BDH1: variants seen among roughly 807,000 people sequenced by gnomAD.
The protein encoded by BDH1 is D-beta-hydroxybutyrate dehydrogenase, mitochondrial.
In BDH1, 30 loss-of-function variants were observed where a neutral mutation model predicts 33.1. The ratio of observed to expected loss-of-function variants is 0.91; its 90% CI spans 0.68 to 1.23. The LOEUF is 1.23. BDH1 is among the 50% of genes most tolerant of loss of function. The pLI, the probability that BDH1 is intolerant of heterozygous loss-of-function variation, is 0.00. For synonymous variants in BDH1, 190 were observed against 183.6 expected (o/e 1.03, Z -0.28); for missense variants, 443 against 464.4 (o/e 0.95, Z 0.42).
chr3:197,524,519 G>A (rs35165087), intron 5 of BDH1, among the ~76,000 whole-genome samples: 28,349 of 152,218 alleles, frequency 0.19, 2,955 homozygotes, highest in African/African-American at 0.28. Context: ...CAATGGGGCC[G>A]GAGGTGCTGG....
chr3:197,532,291 G>C, intron 5 of BDH1, 121 bp downstream of exon 5: 1 of 747,238 alleles, frequency 1.3e-6, no homozygotes, highest in South Asian at 1.7e-5. Context: ...GAAGCCGATG[G>C]AAAATGGACA....
In BDH1 at chr3:197,526,356, G is replaced by A. The variant is rs1292577863; in HGVS notation, c.268-3575C>T. ...ATTCTTAACTTCTGACCCTTCCAAGGTTGGATCCGGGGCAGCAAATTAGGG... is the reference window on the plus strand; with the variant it reads ...ATTCTTAACTTCTGACCCTTCCAAGATTGGATCCGGGGCAGCAAATTAGGG... On this transcript the variant is annotated intron_variant, in intron 5 of 7. Transcript: ENST00000392379. This position sits in a 1 kb window ranked among gnomAD's most constrained non-coding sequence, Gnocchi z 4.7. Among the ~76,000 whole-genome samples the A allele has an allele frequency of 6.6e-6, 1 of 152,182 alleles. No homozygotes were observed. The highest frequency in any genetic ancestry group is 1.5e-5 in the Non-Finnish European group (1 of 68,038).
upstream of BDH1, chr3:197,556,112 G>A (rs1717018220): frequency 6.6e-6 from 1 of 152,200 alleles, no homozygotes; most frequent in South Asian, 2.1e-4. Flanking sequence ...CTCCCGGTGC[G>A]GCCGTCTCGC....
At chr3:197,564,191 C>A (rs1560347830) in intron 1 of BDH1, among the ~76,000 whole-genome samples, 1 of 149,002 alleles carries the variant, frequency 6.7e-6, no homozygotes, top group Non-Finnish European at 1.5e-5. Context: ...AAGAAAGAAT[C>A]TTGTATGGTA....
At position 197,523,018 on chromosome 3, in the gene BDH1, GCCCCCAAGGC is replaced by G. The variant is rs1254719297; in HGVS notation, c.268-247_268-238del. On this transcript the variant is annotated intron_variant, in intron 5 of 7. Coordinates refer to ENST00000392379, the MANE Select transcript of BDH1 (RefSeq NM_203314.3). This position sits in a 1 kb window ranked among gnomAD's most constrained non-coding sequence, Gnocchi z 4.5. Reference sequence around the variant, plus strand: ...CAACCATGAATAGGATGAAGAGCCGGCCCCCAAGGCCTCAAGACAGGATTCCTTCTCCAAG... The same window carrying G: ...CAACCATGAATAGGATGAAGAGCCGGCTCAAGACAGGATTCCTTCTCCAAG... 1 of 496,362 alleles carries G rather than the reference GCCCCCAAGGC, an allele frequency of 2.0e-6. No individual in the cohort carries two copies. The highest frequency in any genetic ancestry group is 2.0e-5 in the African/African-American group (1 of 51,252). 30.7% of individuals were successfully genotyped at this position (496,362 alleles called of 1,614,324 possible).
intron 3 of BDH1, among the ~76,000 whole-genome samples, chr3:197,542,018 C>A (rs1287582645): frequency 1.3e-5 from 2 of 152,226 alleles, no homozygotes; most frequent in African/African-American, 4.8e-5. Context: ...TTCCAGATTA[C>A]CACCCACCTA....
At chr3:197,538,631 C>T (rs999382341) in intron 3 of BDH1, 4 of 247,722 alleles carry the variant, frequency 1.6e-5, no homozygotes, top group Non-Finnish European at 3.3e-5. Flanking sequence ...GGATCACAGG[C>T]ATGAGCCACG....
In BDH1 at chr3:197,525,832, AC is replaced by A. The variant is rs1348341083; in HGVS notation, c.268-3052del. 6.6e-6 allele frequency among the ~76,000 whole-genome samples: 1 copy of A among 151,506 alleles called. No homozygotes were observed. The highest frequency in any genetic ancestry group is 1.5e-5 in the Non-Finnish European group (1 of 67,976). ...CCCGCAGGCCACACCACCTCCCTGG[AC>A]CCAGGGTTTCTGTGCTCCCTCTGCA... On this transcript the variant is annotated intron_variant, in intron 5 of 7. Transcript: ENST00000392379. This position sits in a 1 kb window ranked among gnomAD's most constrained non-coding sequence, Gnocchi z 4.9.
chr3:197,533,865 G>T, intron 3 of BDH1: 1 of 385,134 alleles, frequency 2.6e-6, no homozygotes, highest in Non-Finnish European at 4.7e-6. Flanking sequence ...CTCCAATAAA[G>T]TTCCATTTTC....
At chr3:197,542,321 G>A (rs564641363) in intron 3 of BDH1, among the ~76,000 whole-genome samples, 1 of 152,308 alleles carries the variant, frequency 6.6e-6, no homozygotes, top group African/African-American at 2.4e-5. Context: ...GGCTAAGAAT[G>A]CCCATGAGGC....
At chr3:197,533,639 G>C (rs1714902883) in intron 3 of BDH1, 78 bp from the exon 4 acceptor site, 1 of 1,424,762 alleles carries the variant, frequency 7.0e-7, no homozygotes, top group South Asian at 1.2e-5. Context: ...AGCAGCACTG[G>C]GTGTCTCTCC....
chr3:197,540,441 G>A (rs534515468), intron 3 of BDH1, among the ~76,000 whole-genome samples: 9,594 of 150,238 alleles, frequency 0.064, 552 homozygotes, highest in African/African-American at 0.14. Flanking sequence ...AGGCTGAGGC[G>A]GGCAGACACT....
chr3:197,512,784 C>A (rs916889469), intron 7 of BDH1, among the ~76,000 whole-genome samples: 1 of 152,148 alleles, frequency 6.6e-6, no homozygotes, highest in Non-Finnish European at 1.5e-5. Context: ...TGAAAGCTTC[C>A]CCTTCCCCTT....
chr3:197,535,559 A>C (rs1023222171), intron 3 of BDH1, among the ~76,000 whole-genome samples: 2 of 152,212 alleles, frequency 1.3e-5, no homozygotes, highest in Non-Finnish European at 2.9e-5. Context: ...ACAACAGAGG[A>C]ATTTTCAATG....
At chr3:197,527,130 A>G (rs940302669) in intron 5 of BDH1, among the ~76,000 whole-genome samples, 2 of 152,222 alleles carry the variant, frequency 1.3e-5, no homozygotes, top group African/African-American at 2.4e-5. Flanking sequence ...CACTCGACAC[A>G]TGTTATACGT....
intron 3 of BDH1, among the ~76,000 whole-genome samples, chr3:197,540,902 C>G (rs113842614): frequency 3.8e-3 from 576 of 152,304 alleles, no homozygotes; most frequent in African/African-American, 0.012. Context: ...CCTGCCCCCC[C>G]CACAGCAATA....
chr3:197,554,846 C>A lies in BDH1; in HGVS notation c.-195-133G>T, dbSNP rs992503544. 6.6e-6 allele frequency: 1 copy of A among 152,276 alleles called. No homozygotes were observed. Among genetic ancestry groups the A allele is most frequent in the Non-Finnish European group, 1.5e-5 (1 of 68,078 alleles). The allele number at this position is 152,276 out of a possible 1,614,324, so 9.4% of individuals were successfully genotyped here. On this transcript the variant is annotated intron_variant, in intron 1 of 7. Transcript: ENST00000392379. The surrounding 1 kb of genome is among the most constrained non-coding windows in gnomAD (Gnocchi z 4.4). ...GGCGCCTGGGCCGCTAGGGACCGACCGGAGCGCTCAAACCCACAGGGTATC... is the reference window on the plus strand; with the variant it reads ...GGCGCCTGGGCCGCTAGGGACCGACAGGAGCGCTCAAACCCACAGGGTATC...
chr3:197,519,050 C>G (rs529073019), intron 6 of BDH1, among the ~76,000 whole-genome samples: 1 of 134,578 alleles, frequency 7.4e-6, no homozygotes, highest in East Asian at 2.3e-4. Context: ...GCTCAGGCAC[C>G]CCCCATCAGT....
Position 197,544,813 on chromosome 3 carries a change from G to A in BDH1, c.83+1548C>T, listed in dbSNP as rs543442365. Among the ~76,000 whole-genome samples, 13 of 152,358 alleles carry A rather than the reference G, an allele frequency of 8.5e-5. No homozygotes were observed. The South Asian group carries it at 2.1e-3, about 24-fold the overall frequency. On this transcript the variant is annotated intron_variant, in intron 3 of 7. Transcript: ENST00000392379. ...GTGAATCCCAGCACTTTGGGAGGCC[G>A]AGGCAGGCGGATCAGTTGAAGTCAG...
Sources: allele counts gnomAD v4.1 joint callset (sites outside exome capture counted in the v4.1 genomes callset), GRCh38; gene constraint gnomAD v4.1.1; non-coding constraint Gnocchi (gnomAD v3.1); transcripts MANE v1.5; gene names NCBI Gene and HGNC (gene_info 2026-07-23, HGNC 2026-07-21).